The following SETD1B variants were observed in gnomAD, a reference collection of about 807,000 sequenced individuals.
SETD1B encodes histone-lysine N-methyltransferase SETD1B.
In SETD1B, 7 loss-of-function variants were observed where a neutral mutation model predicts 148.0. That is an observed-to-expected ratio of 0.05 (90% confidence interval 0.03 to 0.09). The LOEUF is 0.09. Among genes scored for constraint, SETD1B ranks in the 10% least tolerant of loss-of-function variants. SETD1B has a pLI of 1.00. For synonymous variants in SETD1B, 1,361 were observed against 1,186.5 expected (o/e 1.15, Z -3.02); for missense variants, 2,155 against 2,729.9 (o/e 0.79, Z 4.69).
intron 6 of SETD1B, among the ~76,000 whole-genome samples, 159 bp from the exon 7 acceptor site, chr12:121,813,947 C>G (rs1315790711): frequency 6.6e-6 from 1 of 152,148 alleles, no homozygotes; most frequent in Non-Finnish European, 1.5e-5. Context: ...CTATGATGCC[C>G]ATTTTGCAAA....
the SETD1B span, among the ~76,000 whole-genome samples, chr12:121,792,892 G>GGAAC: frequency 5.3e-5 from 8 of 152,250 alleles, no homozygotes; most frequent in African/African-American, 1.9e-4. Flanking sequence ...CCACAGGAGA[G>GGAAC]GAACGAGCTG....
At chr12:121,792,103 G>T in the SETD1B span, among the ~76,000 whole-genome samples, 1 of 132,190 alleles carries the variant, frequency 7.6e-6, no homozygotes, top group African/African-American at 3.4e-5. Flanking sequence ...CGGAATGGAG[G>T]GGGGCTCTGA....
At chr12:121,812,730 C>T (rs1004721525) in intron 6 of SETD1B, among the ~76,000 whole-genome samples, 2 of 152,112 alleles carry the variant, frequency 1.3e-5, no homozygotes, top group African/African-American at 2.4e-5. Flanking sequence ...TCTTGATGTG[C>T]ATGGGGATCC....
the SETD1B span, chr12:121,795,260 T>G: frequency 6.6e-6 from 1 of 152,242 alleles, no homozygotes; most frequent in Non-Finnish European, 1.5e-5. Flanking sequence ...GCACAGCAAC[T>G]CATCCATTCC....
At chr12:121,806,177 C>A in intron 4 of SETD1B, 72 bp downstream of exon 4, 1 of 1,473,104 alleles carries the variant, frequency 6.8e-7, no homozygotes, top group Non-Finnish European at 9.2e-7. Flanking sequence ...CTTCCTGCAG[C>A]GTGGGGAGGA....
intron 7 of SETD1B, 122 bp from the exon 8 acceptor site, chr12:121,816,911 G>A (rs1485540911): frequency 2.4e-6 from 2 of 842,028 alleles, no homozygotes; most frequent in Admixed American, 2.9e-5. Flanking sequence ...TGTAGGGAAT[G>A]AGGATGCAGT....
At chr12:121,796,770 G>A in the SETD1B span, among the ~76,000 whole-genome samples, 113,210 of 152,162 alleles carry the variant, frequency 0.74, 43,392 homozygotes, top group East Asian at 0.95. Flanking sequence ...GGCCAGGCGC[G>A]GTGGCTCATG....
At chr12:121,812,012 G>A (rs1876056600) in intron 6 of SETD1B, among the ~76,000 whole-genome samples, 1 of 152,204 alleles carries the variant, frequency 6.6e-6, no homozygotes, top group South Asian at 2.1e-4. Context: ...TGCTGACCAC[G>A]GTCCAGGGCT....
chr12:121,797,458 C>T, the SETD1B span: 1 of 456,480 alleles, frequency 2.2e-6, no homozygotes, highest in South Asian at 1.5e-5. Context: ...CTCCCTGCCC[C>T]AAGAGGTGAT....
In SETD1B at chr12:121,823,415, G is replaced by A. The variant is rs1876682938; in HGVS notation, c.4836G>A (p.Gln1612=). ...TKLPFKELDN[Q]WPSEAIPPGP... ...TGCCCTTTAAGGAGCTAGACAACCAGTGGCCCTCCGAGGCCATTCCTCCGG... is the reference window on the plus strand; with the variant it reads ...TGCCCTTTAAGGAGCTAGACAACCAATGGCCCTCCGAGGCCATTCCTCCGG... The change falls in exon 12 of 17, where the codon CAG becomes CAA. Residue 1612 remains glutamine (Q), a synonymous_variant. Transcript: ENST00000604567. 1 of 1,524,390 alleles carries A rather than the reference G, an allele frequency of 6.6e-7. No individual in the cohort carries two copies. Among genetic ancestry groups the A allele is most frequent in the African/African-American group, 1.4e-5 (1 of 69,122 alleles). The allele number at this position is 1,524,390 out of a possible 1,614,324, so 94.4% of individuals were successfully genotyped here. A position where few individuals can be genotyped will look rare whatever the true frequency, so the allele number is the denominator to read the frequency against.
Position 121,805,375 on chromosome 12 carries a change from C to A in SETD1B, c.273+159C>A, listed in dbSNP as rs914781667. ...GTAGAGCGCTGGCGAGAGGGTGTCC[C>A]CTCTCAGCTACTGAAAACAAAATAA... is the stretch of plus-strand genomic sequence containing the variant. On this transcript the variant is annotated intron_variant, in intron 3 of 16. Transcript: ENST00000604567. This position sits in a 1 kb window ranked among gnomAD's most constrained non-coding sequence, Gnocchi z 4.2. 5.3e-5 allele frequency among the ~76,000 whole-genome samples: 8 copies of A among 152,086 alleles called. No homozygotes were observed. Among genetic ancestry groups the A allele is most frequent in the African/African-American group, 1.9e-4 (8 of 41,404 alleles).
the SETD1B span, among the ~76,000 whole-genome samples, chr12:121,792,281 T>C: frequency 6.6e-6 from 1 of 152,192 alleles, no homozygotes; most frequent in East Asian, 1.9e-4. Context: ...CACTAAACAC[T>C]GAGTCACAGA....
Position 121,817,192 on chromosome 12 carries a change from C to T in SETD1B, c.2875C>T (p.Leu959=), listed in dbSNP as rs769629032. 62 of 1,550,424 alleles carry T rather than the reference C, an allele frequency of 4.0e-5. No homozygotes were observed. In the Middle Eastern group the frequency reaches 1.0e-3, roughly 25 times the overall value. The change falls in exon 8 of 17, where the codon CTG becomes TTG. Residue 959 remains leucine, a synonymous_variant. Coordinates refer to ENST00000604567, the MANE Select transcript of SETD1B (RefSeq NM_001353345.2). The surrounding 1 kb of genome is among the most constrained non-coding windows in gnomAD (Gnocchi z 8.1). Reference sequence around the variant, plus strand: ...CATTGGGCTGCGTGGGGCCATTCGCCTGCCCTCCTTCAAGGTCAAGAGGAA... The same window carrying T: ...CATTGGGCTGCGTGGGGCCATTCGCTTGCCCTCCTTCAAGGTCAAGAGGAA... ...LGIGLRGAIR[L]PSFKVKRKEP...
At chr12:121,819,256 G>A (rs1028600428) in intron 10 of SETD1B, 148 bp from the exon 11 acceptor site, 159 of 1,376,854 alleles carry the variant, frequency 1.2e-4, no homozygotes, top group Non-Finnish European at 1.5e-4. Flanking sequence ...AGAAAAAAAA[G>A]ACTCCTAGTG....
chr12:121,801,316 G>A (rs1414141861), upstream of SETD1B: 1 of 152,310 alleles, frequency 6.6e-6, no homozygotes, highest in Admixed American at 6.5e-5. Context: ...AGAGCGAGGG[G>A]GCGAAGGCAG....
chr12:121,806,380 G>T (rs946639461), intron 4 of SETD1B, among the ~76,000 whole-genome samples: 6 of 152,106 alleles, frequency 3.9e-5, no homozygotes, highest in Non-Finnish European at 7.4e-5. Context: ...ACACCCCCGC[G>T]GGCCCCCTCT....
In SETD1B at chr12:121,831,627, A is replaced by G. The variant is rs1877097172; in HGVS notation, c.*1388A>G. The G allele has an allele frequency of 6.6e-6, 1 of 152,004 alleles. No homozygotes were observed. Among genetic ancestry groups the G allele is most frequent in the Non-Finnish European group, 1.5e-5 (1 of 67,954 alleles). 9.4% of individuals were successfully genotyped at this position (152,004 alleles called of 1,614,324 possible). ...CTCATTTCTTTGTACTTCCAAAAAA[A>G]AAGGAAAAAAAAGACAAAAGCAAGT... On this transcript the variant is annotated 3_prime_UTR_variant, in exon 17 of 17. Coordinates refer to ENST00000604567, the MANE Select transcript of SETD1B (RefSeq NM_001353345.2).
In SETD1B at chr12:121,822,940, G is replaced by A. The variant is rs1283554554; in HGVS notation, c.4361G>A (p.Arg1454Gln). 11 of 1,536,306 alleles carry A rather than the reference G, an allele frequency of 7.2e-6. No individual in the cohort carries two copies. Among genetic ancestry groups the A allele is most frequent in the East Asian group, 2.5e-5 (1 of 40,802 alleles). Residue 1454 changes from arginine (R) to glutamine (Q), a missense_variant, in exon 12 of 17, where the codon CGA becomes CAA. Arg to Gln is a conservative substitution (Grantham distance 43). Around this residue, in one of 11 missense-constraint regions of SETD1B, gnomAD observed 862 missense variants for 873.8 expected, o/e 0.99. Transcript: ENST00000604567. ...LLPVCPLPTG[R>Q]RDERSGPLAS... ...CCCGTCTGCCCACTCCCCACTGGCCGACGCGATGAACGCTCCGGGCCCCTG... is the reference window on the plus strand; with the variant it reads ...CCCGTCTGCCCACTCCCCACTGGCCAACGCGATGAACGCTCCGGGCCCCTG...
intron 13 of SETD1B, 140 bp downstream of exon 13, chr12:121,825,506 G>GTT: frequency 2.3e-6 from 1 of 428,720 alleles, no homozygotes; most frequent in Non-Finnish European, 4.3e-6. Context: ...AGTGGAAGGG[G>GTT]AGAGGCGGGT....
Sources: gnomAD v4.1 joint callset for allele counts (sites outside exome capture counted in the v4.1 genomes callset) on GRCh38, gnomAD v4.1.1 for gene constraint, gnomAD v4.1.1 regional missense constraint, Gnocchi (gnomAD v3.1) non-coding constraint, MANE v1.5 for transcripts, NCBI Gene and HGNC (gene_info 2026-07-23, HGNC 2026-07-21) for gene names.